Variants in FSHR observed in about 807,000 individuals in gnomAD.
The protein encoded by FSHR is follicle stimulating hormone receptor.
Under a neutral mutation model 52.1 loss-of-function variants are expected in FSHR, and 46 were observed. The observed-to-expected ratio is 0.88, with a 90% confidence interval of 0.70 to 1.13. The LOEUF is 1.13. Ranked by LOEUF, FSHR falls within the 50% of genes most tolerant of loss-of-function variation. The probability of loss-of-function intolerance (pLI) is 0.00; values close to 1 mark genes in which losing one functional copy is unlikely to be tolerated. For missense variants in FSHR, 964 were observed against 834.6 expected, an observed-to-expected ratio of 1.16 and a Z score of -1.91; for synonymous variants, 399 against 309.6, an observed-to-expected ratio of 1.29 and a Z score of -3.03.
At chr2:49,097,153 TA>T (rs35918861) in intron 1 of FSHR, among the ~76,000 whole-genome samples, 1 of 152,238 alleles carries the variant, frequency 6.6e-6, no homozygotes, top group Non-Finnish European at 1.5e-5. Context: ...TTTTCTTATA[TA>T]AAATGTTCTG....
chr2:49,107,228 T>C (rs549941114), intron 1 of FSHR, among the ~76,000 whole-genome samples: 2 of 152,240 alleles, frequency 1.3e-5, no homozygotes, highest in South Asian at 2.1e-4. Context: ...ACTTTTTTTT[T>C]ACATGCTGTT....
rs975064155 is a variant in FSHR at position 49,036,325 on chromosome 2, T to C, written c.225-16165A>G. On this transcript the variant is annotated intron_variant, in intron 2 of 9. Coordinates refer to ENST00000406846, the MANE Select transcript of FSHR (RefSeq NM_000145.4). ...TAGACTTGTTATCTTTGATCTGTGT[T>C]TCATCATCTCCAGTTACCCTTTTTT... Among the ~76,000 whole-genome samples the C allele has an allele frequency of 5.3e-5, 8 of 152,254 alleles. No homozygotes were observed. The East Asian group carries it at 1.4e-3, about 26-fold the overall frequency.
chr2:49,089,263 G>T (rs540068266), intron 1 of FSHR, among the ~76,000 whole-genome samples: 3 of 152,078 alleles, frequency 2.0e-5, no homozygotes, highest in African/African-American at 7.2e-5. Context: ...CTGTAGGGAT[G>T]GAATGAAAGC....
At chr2:49,052,333 C>A (rs1223175169) in intron 2 of FSHR, among the ~76,000 whole-genome samples, 1 of 152,102 alleles carries the variant, frequency 6.6e-6, no homozygotes, top group Non-Finnish European at 1.5e-5. Flanking sequence ...TTGTTTTATT[C>A]TTCTTTAGCT....
At chr2:49,115,834 A>G in intron 1 of FSHR, among the ~76,000 whole-genome samples, 1 of 152,274 alleles carries the variant, frequency 6.6e-6, no homozygotes, top group East Asian at 1.9e-4. Flanking sequence ...GTTACTGTCA[A>G]GGACCTCAAT....
At chr2:49,109,581 G>A (rs866970442) in intron 1 of FSHR, among the ~76,000 whole-genome samples, 19 of 152,080 alleles carry the variant, frequency 1.2e-4, no homozygotes, top group African/African-American at 4.3e-4. Flanking sequence ...GGACAGTGTG[G>A]TGAAACAGGG....
intron 5 of FSHR, among the ~76,000 whole-genome samples, 181 bp downstream of exon 5, chr2:48,990,385 T>A (rs1259182635): frequency 6.6e-6 from 1 of 152,208 alleles, no homozygotes; most frequent in African/African-American, 2.4e-5. Context: ...TCCTCCAAAC[T>A]AATATTGACT....
chr2:49,031,788 T>G (rs1003349429), intron 2 of FSHR, among the ~76,000 whole-genome samples: 2 of 152,236 alleles, frequency 1.3e-5, no homozygotes, highest in African/African-American at 4.8e-5. Context: ...TTCTCATCTT[T>G]GAAATGGGGA....
intron 1 of FSHR, among the ~76,000 whole-genome samples, chr2:49,073,945 A>T (rs376739167): frequency 2.0e-5 from 3 of 152,112 alleles, no homozygotes; most frequent in East Asian, 3.8e-4. Flanking sequence ...GGGAAAGGAC[A>T]GTCTCTTCAA....
At chr2:49,126,069 T>C (rs140212789) in intron 1 of FSHR, among the ~76,000 whole-genome samples, 47 of 152,284 alleles carry the variant, frequency 3.1e-4, no homozygotes, top group African/African-American at 1.1e-3. Context: ...ATTCCTAGAA[T>C]CACAAATGAC....
intron 4 of FSHR, among the ~76,000 whole-genome samples, chr2:49,006,355 T>C (rs1319158896): frequency 6.6e-6 from 1 of 152,070 alleles, no homozygotes; most frequent in Non-Finnish European, 1.5e-5. Flanking sequence ...ACTTATTTTT[T>C]CCTACTGCGT....
intron 3 of FSHR, 30 bp from the exon 4 acceptor site, chr2:49,017,593 T>C: frequency 6.6e-7 from 1 of 1,504,316 alleles, no homozygotes; most frequent in South Asian, 1.1e-5. Flanking sequence ...ATGCTAGTGA[T>C]CTTGATGGTA....
rs1668027831 is a variant in FSHR, at chr2:49,029,560, A to G, written c.225-9400T>C. ...TCTGAGATCCATTTTCCTCTGTAAG[A>G]TGTGTGAAGGTCCTCTGTCCCTCAG... On this transcript the variant is annotated intron_variant, in intron 2 of 9. Transcript: ENST00000406846. 2.0e-5 allele frequency among the ~76,000 whole-genome samples: 3 copies of G among 152,274 alleles called. No individual in the cohort carries two copies. In the South Asian group the frequency reaches 6.2e-4, roughly 32 times the overall value.
At chr2:49,004,751 A>C (rs1001382286) in intron 4 of FSHR, among the ~76,000 whole-genome samples, 29 of 152,176 alleles carry the variant, frequency 1.9e-4, no homozygotes, top group African/African-American at 6.8e-4. Context: ...TTACTAGGCT[A>C]ATCTGAGACT....
At chr2:49,084,419 C>T (rs1051795038) in intron 1 of FSHR, among the ~76,000 whole-genome samples, 1 of 152,160 alleles carries the variant, frequency 6.6e-6, no homozygotes, top group African/African-American at 2.4e-5. Flanking sequence ...GACACCCTAA[C>T]ATCACAATTA....
At chr2:49,147,778 C>G (rs1224268301) in intron 1 of FSHR, among the ~76,000 whole-genome samples, 2 of 151,762 alleles carry the variant, frequency 1.3e-5, no homozygotes, top group African/African-American at 2.4e-5. Flanking sequence ...TTCCCCCAGC[C>G]CAATTAAATT....
intron 2 of FSHR, chr2:49,059,697 C>G (rs969997360): frequency 6.6e-6 from 1 of 152,226 alleles, no homozygotes; most frequent in African/African-American, 2.4e-5. Flanking sequence ...ACCTCTCATT[C>G]TATACAAAAA....
At chr2:49,079,047 T>A (rs1415185434) in intron 1 of FSHR, among the ~76,000 whole-genome samples, 1 of 152,056 alleles carries the variant, frequency 6.6e-6, no homozygotes, top group Non-Finnish European at 1.5e-5. Context: ...TGACAGCTGA[T>A]AAGAAAGTCT....
chr2:48,966,596 C>T (rs1435668099), intron 9 of FSHR, among the ~76,000 whole-genome samples: 2 of 152,162 alleles, frequency 1.3e-5, no homozygotes, highest in Admixed American at 6.5e-5. Flanking sequence ...AGAAGAATTT[C>T]ATCATACAAG....
Sources: gnomAD v4.1 joint callset for allele counts (sites outside exome capture counted in the v4.1 genomes callset) on GRCh38, gnomAD v4.1.1 for gene constraint, MANE v1.5 for transcripts, NCBI Gene and HGNC (gene_info 2026-07-23, HGNC 2026-07-21) for gene names.